The following CREBRF variants were observed in gnomAD, a reference collection of about 807,000 sequenced individuals.
CREBRF encodes CREB3 regulatory factor.
CREBRF carries 5 observed loss-of-function variants against 66.1 expected under a neutral mutation model. The ratio of observed to expected loss-of-function variants is 0.08; its 90% CI spans 0.04 to 0.16. The LOEUF (loss-of-function observed/expected upper bound fraction) is 0.16. CREBRF is among the 10% of genes least tolerant of loss of function. The pLI is 1.00. For synonymous variants in CREBRF, 229 were observed against 264.4 expected (o/e 0.87, Z 1.30); for missense variants, 531 against 744.9 (o/e 0.71, Z 3.34).
At chr5:173,132,367 G>A (rs1426160469) in intron 8 of CREBRF, among the ~76,000 whole-genome samples, 4 of 143,380 alleles carry the variant, frequency 2.8e-5, no homozygotes, top group African/African-American at 5.2e-5. Context: ...TATTACAGGC[G>A]TGAGCCACTG....
intron 8 of CREBRF, among the ~76,000 whole-genome samples, chr5:173,130,240 C>T (rs941613710): frequency 5.9e-5 from 9 of 152,128 alleles, no homozygotes; most frequent in East Asian, 3.8e-4. Context: ...GGTTTTAGTG[C>T]TGTCATCAAA....
chr5:173,085,370 C>G (rs2113722393), intron 2 of CREBRF: 2 of 1,267,444 alleles, frequency 1.6e-6, no homozygotes, highest in East Asian at 4.7e-5. Context: ...TTCTTCGATC[C>G]TGGAGGCTCC....
intron 1 of CREBRF, among the ~76,000 whole-genome samples, chr5:173,078,900 C>T (rs1027376152): frequency 6.6e-6 from 1 of 152,068 alleles, no homozygotes; most frequent in African/African-American, 2.4e-5. Flanking sequence ...AGGTTTTATG[C>T]CAAGATTATA....
intron 7 of CREBRF, among the ~76,000 whole-genome samples, 194 bp from the exon 8 acceptor site, chr5:173,122,886 A>G (rs1759174512): frequency 6.7e-6 from 1 of 150,372 alleles, no homozygotes; most frequent in Admixed American, 6.7e-5. Context: ...ACTGAGAATG[A>G]TGATTTCCAA....
chr5:173,109,477 A>C (rs1050930386), intron 5 of CREBRF: 9 of 151,320 alleles, frequency 5.9e-5, no homozygotes, highest in African/African-American at 2.0e-4. Flanking sequence ...TCCTGTCTCT[A>C]AAAAAATTTT....
At chr5:173,080,139 T>C (rs997316174) in intron 1 of CREBRF, among the ~76,000 whole-genome samples, 3 of 152,062 alleles carry the variant, frequency 2.0e-5, no homozygotes, top group South Asian at 4.1e-4. Context: ...TATTATGTAT[T>C]CATTACTCTT....
chr5:173,067,276 T>G (rs1242128317), intron 1 of CREBRF, among the ~76,000 whole-genome samples: 3 of 152,254 alleles, frequency 2.0e-5, no homozygotes, highest in Admixed American at 1.3e-4. Context: ...TCTTTTAACA[T>G]TCATTACATT....
chr5:173,076,927 T>C (rs1757782898), intron 1 of CREBRF, among the ~76,000 whole-genome samples: 1 of 150,616 alleles, frequency 6.6e-6, no homozygotes, highest in East Asian at 1.9e-4. Flanking sequence ...ATTAACTACA[T>C]AGCAGTATAA....
At chr5:173,064,426 C>T (rs1378323459) in intron 1 of CREBRF, among the ~76,000 whole-genome samples, 1 of 152,144 alleles carries the variant, frequency 6.6e-6, no homozygotes, top group Admixed American at 6.6e-5. Flanking sequence ...CTCTGTCACC[C>T]AGGCTGAAGT....
chr5:173,066,234 C>G (rs770428784), intron 1 of CREBRF, among the ~76,000 whole-genome samples: 1 of 152,184 alleles, frequency 6.6e-6, no homozygotes, highest in Non-Finnish European at 1.5e-5. Context: ...GCTTTTGATA[C>G]CTGTTCAAAG....
At chr5:173,059,897 T>C (rs950605151) in intron 1 of CREBRF, among the ~76,000 whole-genome samples, 2 of 152,198 alleles carry the variant, frequency 1.3e-5, no homozygotes, top group African/African-American at 4.8e-5. Flanking sequence ...GTCTGGATGC[T>C]CCATTTACCA....
chr5:173,058,882 G>A (rs1306785772), intron 1 of CREBRF, among the ~76,000 whole-genome samples: 4 of 134,282 alleles, frequency 3.0e-5, no homozygotes, highest in Admixed American at 1.7e-4. Context: ...TGCAACCTCC[G>A]CCTGCCGGGT....
At chr5:173,130,694 A>ATTTATTTTTATT (rs554616115) in intron 8 of CREBRF, among the ~76,000 whole-genome samples, 2 of 151,604 alleles carry the variant, frequency 1.3e-5, no homozygotes, top group Non-Finnish European at 2.9e-5. Context: ...CAGCTAATTT[A>ATTTATTTTTATT]TTTATTTTTA....
intron 8 of CREBRF, among the ~76,000 whole-genome samples, chr5:173,126,930 T>G (rs781311029): frequency 2.0e-5 from 3 of 152,172 alleles, no homozygotes; most frequent in Non-Finnish European, 4.4e-5. Context: ...CTCATGCCTG[T>G]AATCCCAACA....
intron 4 of CREBRF, among the ~76,000 whole-genome samples, chr5:173,105,817 A>G (rs965852403): frequency 1.1e-4 from 15 of 136,476 alleles, no homozygotes; most frequent in Non-Finnish European, 2.3e-4. Context: ...ATGGGGTTTC[A>G]TCGTGTGAGC....
intron 7 of CREBRF, among the ~76,000 whole-genome samples, chr5:173,118,072 C>T (rs574897835): frequency 4.0e-4 from 61 of 152,252 alleles, no homozygotes; most frequent in African/African-American, 1.4e-3. Flanking sequence ...GACAGGGTTT[C>T]ACCATGTTAG....
intron 7 of CREBRF, among the ~76,000 whole-genome samples, chr5:173,118,111 T>C (rs2113786835): frequency 6.6e-6 from 1 of 152,236 alleles, no homozygotes; most frequent in Middle Eastern, 3.4e-3. Flanking sequence ...CCTGACCTTA[T>C]GATCCGCCTG....
Position 173,090,986 on chromosome 5 carries a change from A to C in CREBRF, c.807A>C (p.Ala269=), listed in dbSNP as rs113149390. The C allele has an allele frequency of 1.2e-6, 2 of 1,614,122 alleles. No homozygotes were observed. The highest frequency in any genetic ancestry group is 2.7e-5 in the African/African-American group (2 of 74,944). ...AGGAGAACACCTGCTACTGTGGTGC[A>C]GTGGCAAAGAGACAAGAGAAAAAAG... is the stretch of plus-strand genomic sequence containing the variant. ...AAKENTCYCG[A]VAKRQEKKGM... The change falls in exon 4 of 9, where the codon GCA becomes GCC. Residue 269 remains alanine (A), a synonymous_variant. Coordinates refer to ENST00000296953, the MANE Select transcript of CREBRF (RefSeq NM_153607.3). The surrounding 1 kb of genome is among the most constrained non-coding windows in gnomAD (Gnocchi z 4.5).
rs1407311297 is a variant in CREBRF, at chr5:173,061,078, C to T, written c.-192+4599C>T. 3.3e-5 allele frequency among the ~76,000 whole-genome samples: 5 copies of T among 152,316 alleles called. No individual in the cohort carries two copies. In the East Asian group the frequency reaches 9.6e-4, roughly 29 times the overall value. The stretch of plus-strand genomic sequence containing the variant: ...CGCCTCCCGGGTTTAAGCGATTCTC[C>T]TGCCTCAGCCTTCTGAGTAGCTGGG... On this transcript the variant is annotated intron_variant, in intron 1 of 8. Coordinates refer to ENST00000296953, the MANE Select transcript of CREBRF (RefSeq NM_153607.3).
Sources: gnomAD v4.1 joint callset for allele counts (sites outside exome capture counted in the v4.1 genomes callset) on GRCh38, gnomAD v4.1.1 for gene constraint, Gnocchi (gnomAD v3.1) non-coding constraint, MANE v1.5 for transcripts, NCBI Gene and HGNC (gene_info 2026-07-23, HGNC 2026-07-21) for gene names.